SGCZ: variants seen among roughly 807,000 people sequenced by gnomAD.
SGCZ encodes the protein sarcoglycan zeta, also known as zeta-sarcoglycan.
In SGCZ, 40 loss-of-function variants were observed where a neutral mutation model predicts 41.3. The observed-to-expected ratio is 0.97, with a 90% CI of 0.75 to 1.26. The LOEUF (loss-of-function observed/expected upper bound fraction) is 1.26, where lower values mean the gene tolerates loss of function less well. Ranked by LOEUF, SGCZ falls within the 50% of genes most tolerant of loss-of-function variation. SGCZ has a pLI of 0.00. For missense variants in SGCZ, 552 were observed against 369.8 expected (o/e 1.49, Z -4.04); for synonymous variants, 206 against 137.5 (o/e 1.50, Z -3.49).
intron 1 of SGCZ, among the ~76,000 whole-genome samples, chr8:14,595,920 C>T (rs558757586): frequency 6.6e-6 from 1 of 152,150 alleles, no homozygotes; most frequent in East Asian, 1.9e-4. Flanking sequence ...TTAGGTTGTC[C>T]AATGTGTTGG....
intron 1 of SGCZ, among the ~76,000 whole-genome samples, chr8:14,678,443 C>T (rs527562272): frequency 6.6e-6 from 1 of 152,274 alleles, no homozygotes; most frequent in South Asian, 2.1e-4. Flanking sequence ...AGATGCTCCA[C>T]ATTATATATC....
chr8:14,919,314 G>A (rs1799523838), intron 1 of SGCZ, among the ~76,000 whole-genome samples: 1 of 151,986 alleles, frequency 6.6e-6, no homozygotes, highest in African/African-American at 2.4e-5. Flanking sequence ...CGTGGCATGT[G>A]CCTATAATCC....
intron 1 of SGCZ, among the ~76,000 whole-genome samples, chr8:14,845,255 T>A (rs1209782893): frequency 6.6e-6 from 1 of 152,184 alleles, no homozygotes; most frequent in African/African-American, 2.4e-5. Context: ...AGATGCATCT[T>A]GTCTCAGTAG....
At chr8:14,952,881 G>A (rs4582563) in intron 1 of SGCZ, among the ~76,000 whole-genome samples, 1 of 151,900 alleles carries the variant, frequency 6.6e-6, no homozygotes, top group Non-Finnish European at 1.5e-5. Flanking sequence ...ACTGTGTGCT[G>A]GAAACCATTC....
intron 1 of SGCZ, among the ~76,000 whole-genome samples, chr8:14,628,752 C>T (rs908630114): frequency 6.6e-6 from 1 of 152,072 alleles, no homozygotes; most frequent in Non-Finnish European, 1.5e-5. Context: ...TTGAAAATGT[C>T]TGCTTTCACA....
chr8:14,454,707 G>A (rs1205391580), intron 2 of SGCZ, among the ~76,000 whole-genome samples: 1 of 152,070 alleles, frequency 6.6e-6, no homozygotes, highest in Non-Finnish European at 1.5e-5. Context: ...AAATAGAATG[G>A]GAAGTCTCTA....
chr8:15,040,703 G>T (rs942393848), intron 1 of SGCZ, among the ~76,000 whole-genome samples: 2 of 152,126 alleles, frequency 1.3e-5, no homozygotes, highest in South Asian at 4.1e-4. Context: ...TTGAAATACT[G>T]CGCATTATTA....
intron 3 of SGCZ, among the ~76,000 whole-genome samples, chr8:14,239,491 A>C (rs1348336564): frequency 6.6e-6 from 1 of 152,188 alleles, no homozygotes; most frequent in Non-Finnish European, 1.5e-5. Flanking sequence ...TTTGGTTTAG[A>C]GTTTTAAAAT....
intron 1 of SGCZ, among the ~76,000 whole-genome samples, chr8:15,026,220 G>C (rs1383167833): frequency 6.6e-6 from 1 of 151,864 alleles, no homozygotes; most frequent in Non-Finnish European, 1.5e-5. Flanking sequence ...TTCTCAGACT[G>C]GTTAATTTTT....
At chr8:14,422,952 G>C (rs937294578) in intron 2 of SGCZ, among the ~76,000 whole-genome samples, 2 of 152,032 alleles carry the variant, frequency 1.3e-5, no homozygotes, top group African/African-American at 4.8e-5. Flanking sequence ...GGTTTAAACT[G>C]AGCAGGACAA....
chr8:14,872,913 G>A (rs183191440), intron 1 of SGCZ, among the ~76,000 whole-genome samples: 1 of 152,122 alleles, frequency 6.6e-6, no homozygotes, highest in African/African-American at 2.4e-5. Flanking sequence ...AAAGTAATCT[G>A]GACAAGTTTC....
intron 1 of SGCZ, among the ~76,000 whole-genome samples, chr8:14,727,521 T>TG (rs981405307): frequency 2.0e-5 from 3 of 152,000 alleles, no homozygotes; most frequent in African/African-American, 7.3e-5. Context: ...AATGCTTTTT[T>TG]TTTTTTTGAG....
chr8:14,902,830 A>C (rs1225075352), intron 1 of SGCZ, among the ~76,000 whole-genome samples: 1 of 152,162 alleles, frequency 6.6e-6, no homozygotes, highest in Non-Finnish European at 1.5e-5. Context: ...GCTAATATTT[A>C]CTCAGAAGTC....
chr8:14,601,979 G>T (rs1398785913), intron 1 of SGCZ, among the ~76,000 whole-genome samples: 7 of 152,150 alleles, frequency 4.6e-5, no homozygotes, highest in Non-Finnish European at 8.8e-5. Flanking sequence ...AATTAGCCGG[G>T]CCTGGTGGCG....
At chr8:14,905,466 A>C (rs1425095362) in intron 1 of SGCZ, among the ~76,000 whole-genome samples, 1 of 152,046 alleles carries the variant, frequency 6.6e-6, no homozygotes, top group Non-Finnish European at 1.5e-5. Flanking sequence ...ACACTCATTT[A>C]CTGCTCATTG....
At chr8:14,357,789 A>C (rs371739664) in intron 2 of SGCZ, among the ~76,000 whole-genome samples, 5 of 152,210 alleles carry the variant, frequency 3.3e-5, no homozygotes, top group African/African-American at 1.2e-4. Flanking sequence ...AAGATGAAGA[A>C]TATGCCTGAG....
intron 2 of SGCZ, among the ~76,000 whole-genome samples, chr8:14,369,721 A>AT (rs1803844146): frequency 6.6e-6 from 1 of 151,782 alleles, no homozygotes; most frequent in Admixed American, 6.6e-5. Flanking sequence ...TTCTAACACC[A>AT]TTTTTTCTTC....
At chr8:15,223,279 A>G (rs943289126) in intron 1 of SGCZ, among the ~76,000 whole-genome samples, 104 of 152,292 alleles carry the variant, frequency 6.8e-4, no homozygotes, top group African/African-American at 2.4e-3. Flanking sequence ...AATCAACTAC[A>G]TGATAGAAAG....
At chr8:14,702,038 G>T (rs1446567510) in intron 1 of SGCZ, among the ~76,000 whole-genome samples, 3 of 151,736 alleles carry the variant, frequency 2.0e-5, no homozygotes, top group African/African-American at 7.3e-5. Flanking sequence ...ACCTTCTTCA[G>T]TCTCATTCAA....
Sources: allele counts gnomAD v4.1 joint callset (sites outside exome capture counted in the v4.1 genomes callset), GRCh38; gene constraint gnomAD v4.1.1; transcripts MANE v1.5; gene names NCBI Gene and HGNC (gene_info 2026-07-23, HGNC 2026-07-21).